Variants in RUNX2 observed in about 807,000 individuals in gnomAD.
RUNX2 encodes the protein runt-related transcription factor 2.
A neutral mutation model predicts 51.7 loss-of-function variants in RUNX2; 10 were observed. That is an observed-to-expected ratio of 0.19 (90% confidence interval 0.12 to 0.33). RUNX2 has a LOEUF of 0.33. RUNX2 is among the 10% of genes least tolerant of loss of function. RUNX2 has a pLI of 1.00. For synonymous variants in RUNX2, 276 were observed against 273.6 expected (o/e 1.01, Z -0.09); for missense variants, 562 against 691.3 (o/e 0.81, Z 2.10).
chr6:45,432,120 G>A (rs2150368319), intron 4 of RUNX2, 101 bp downstream of exon 4: 1 of 1,119,458 alleles, frequency 8.9e-7, no homozygotes, highest in Non-Finnish European at 1.3e-6. Flanking sequence ...TTCTTTTTCT[G>A]AATAGAATTA....
At chr6:45,497,876 T>C (rs928537680) in intron 6 of RUNX2, among the ~76,000 whole-genome samples, 1 of 152,218 alleles carries the variant, frequency 6.6e-6, no homozygotes, top group African/African-American at 2.4e-5. Flanking sequence ...GGACCCACTA[T>C]TATCCTAGCC....
chr6:45,350,054 A>T (rs557505059), intron 2 of RUNX2, among the ~76,000 whole-genome samples: 8 of 152,242 alleles, frequency 5.3e-5, no homozygotes, highest in Non-Finnish European at 8.8e-5. Flanking sequence ...CATACAATTA[A>T]GTCTAAAGTT....
intron 2 of RUNX2, among the ~76,000 whole-genome samples, chr6:45,348,359 A>G (rs892467599): frequency 6.6e-6 from 1 of 151,648 alleles, no homozygotes; most frequent in East Asian, 1.9e-4. Context: ...TCGTCTCCTC[A>G]TTTTCTTAAT....
chr6:45,482,887 G>A (rs775978918), intron 5 of RUNX2, among the ~76,000 whole-genome samples: 2 of 152,148 alleles, frequency 1.3e-5, no homozygotes, highest in Non-Finnish European at 2.9e-5. Context: ...AATCTTACGT[G>A]CCTGACTCTG....
chr6:45,350,929 A>G (rs1464351739), intron 2 of RUNX2, among the ~76,000 whole-genome samples: 2 of 152,234 alleles, frequency 1.3e-5, no homozygotes, highest in Non-Finnish European at 1.5e-5. Flanking sequence ...CTACCACCTC[A>G]GCTCTACCTC....
intron 5 of RUNX2, among the ~76,000 whole-genome samples, chr6:45,485,197 T>C (rs1582161257): frequency 6.6e-6 from 1 of 151,610 alleles, no homozygotes; most frequent in Admixed American, 6.6e-5. Flanking sequence ...TCTTTCTTTT[T>C]TTTTTTTTTT....
chr6:45,523,857 G>C (rs537589679), intron 7 of RUNX2, among the ~76,000 whole-genome samples: 1 of 151,890 alleles, frequency 6.6e-6, no homozygotes, highest in Admixed American at 6.6e-5. Context: ...ACTTGAACCC[G>C]GGAGGCGGAG....
chr6:45,476,854 T>G (rs1458837835), intron 5 of RUNX2, among the ~76,000 whole-genome samples: 2 of 152,148 alleles, frequency 1.3e-5, no homozygotes, highest in Admixed American at 6.5e-5. Flanking sequence ...ATGAATATCA[T>G]TAGAGGTATT....
At chr6:45,385,323 T>C (rs116202315) in intron 2 of RUNX2, among the ~76,000 whole-genome samples, 176 of 152,300 alleles carry the variant, frequency 1.2e-3, no homozygotes, top group African/African-American at 4.0e-3. Context: ...CCAACCCAAG[T>C]TTTTTTCTTA....
At chr6:45,444,319 T>C (rs557002663) in intron 5 of RUNX2, among the ~76,000 whole-genome samples, 5 of 152,352 alleles carry the variant, frequency 3.3e-5, no homozygotes, top group South Asian at 4.1e-4. Context: ...AAGCTGTGAA[T>C]TGTGTACTTC....
intron 2 of RUNX2, among the ~76,000 whole-genome samples, chr6:45,412,476 CA>C (rs1340191253): frequency 6.6e-6 from 1 of 152,078 alleles, no homozygotes; most frequent in Non-Finnish European, 1.5e-5. Context: ...ATCCCTACTT[CA>C]AAAAGCCAGA....
chr6:45,393,400 A>G (rs1220727777), intron 2 of RUNX2, among the ~76,000 whole-genome samples: 4 of 151,864 alleles, frequency 2.6e-5, no homozygotes, highest in Non-Finnish European at 5.9e-5. Flanking sequence ...AAAATGTACT[A>G]TTAATGTGTT....
intron 7 of RUNX2, among the ~76,000 whole-genome samples, chr6:45,531,507 C>T (rs944651090): frequency 6.6e-6 from 1 of 152,284 alleles, no homozygotes; most frequent in South Asian, 2.1e-4. Flanking sequence ...GTAATCCCAG[C>T]ACTTTGGGAG....
chr6:45,424,388 C>T (rs980011434), intron 3 of RUNX2, among the ~76,000 whole-genome samples: 1 of 152,196 alleles, frequency 6.6e-6, no homozygotes, highest in African/African-American at 2.4e-5. Context: ...TCGCAAGACG[C>T]CAGGGATGCA....
At chr6:45,465,536 A>T (rs1015628868) in intron 5 of RUNX2, among the ~76,000 whole-genome samples, 1 of 151,996 alleles carries the variant, frequency 6.6e-6, no homozygotes, top group Non-Finnish European at 1.5e-5. Context: ...TCTAGTTGAT[A>T]TGGTCATATG....
intron 5 of RUNX2, among the ~76,000 whole-genome samples, chr6:45,470,432 G>A (rs1371159990): frequency 6.6e-6 from 1 of 152,208 alleles, no homozygotes; most frequent in Admixed American, 6.5e-5. Context: ...ACACAATGGA[G>A]TATAAAGATG....
chr6:45,422,271 G>A, intron 2 of RUNX2: 1 of 327,112 alleles, frequency 3.1e-6, no homozygotes, highest in Non-Finnish European at 5.6e-6. Flanking sequence ...CGCCTCCCCA[G>A]GCCAAACACA....
intron 7 of RUNX2, among the ~76,000 whole-genome samples, chr6:45,524,534 A>G (rs1801611693): frequency 6.6e-6 from 1 of 152,222 alleles, no homozygotes; most frequent in African/African-American, 2.4e-5. Context: ...TTGATGGAAT[A>G]AAAATAACAC....
intron 7 of RUNX2, among the ~76,000 whole-genome samples, chr6:45,539,000 G>A (rs113237859): frequency 0.016 from 2,400 of 152,198 alleles, 34 homozygotes; most frequent in Non-Finnish European, 0.026. Flanking sequence ...AGGCCTAGCA[G>A]GAAGATCTCT....
Sources: gnomAD v4.1 joint callset for allele counts (sites outside exome capture counted in the v4.1 genomes callset) on GRCh38, gnomAD v4.1.1 for gene constraint, MANE v1.5 for transcripts, NCBI Gene and HGNC (gene_info 2026-07-23, HGNC 2026-07-21) for gene names.